TTC39B: variants seen among roughly 807,000 people sequenced by gnomAD.
The protein encoded by TTC39B is tetratricopeptide repeat domain 39B.
In TTC39B, 92 loss-of-function variants were observed where a neutral mutation model predicts 96.6. The observed-to-expected ratio is 0.95, with a 90% CI of 0.80 to 1.13. The LOEUF is 1.13. Among genes scored for constraint, TTC39B ranks in the 50% most tolerant of loss-of-function variants. The pLI is 0.00. For missense variants in TTC39B, 955 were observed against 809.3 expected (o/e 1.18, Z -2.18); for synonymous variants, 367 against 299.4 (o/e 1.23, Z -2.33).
At chr9:15,282,385 G>T (rs564279385) in intron 1 of TTC39B, among the ~76,000 whole-genome samples, 1 of 152,316 alleles carries the variant, frequency 6.6e-6, no homozygotes, top group East Asian at 1.9e-4. Flanking sequence ...AACCCTGGGG[G>T]CTCATGGAAA....
At chr9:15,235,927 TAAC>T (rs141291428) in intron 2 of TTC39B, among the ~76,000 whole-genome samples, 27,711 of 151,946 alleles carry the variant, frequency 0.18, 3,339 homozygotes, top group East Asian at 0.65. Context: ...AACAACTAGC[TAAC>T]AACACTATGA....
chr9:15,188,982 C>T lies in TTC39B; in HGVS notation c.1233+592G>A, dbSNP rs187399715. ...ATCCCATGAAATGAAACCCAGCCAT[C>T]AAAAAGAATAGGAGACATTTAGGCA... is the stretch of plus-strand genomic sequence containing the variant. On this transcript the variant is annotated intron_variant, in intron 13 of 19. Transcript: ENST00000512701. Among the ~76,000 whole-genome samples the T allele has an allele frequency of 6.8e-3, 1,032 of 151,686 alleles. 15 individuals are homozygous for T. Among genetic ancestry groups the T allele is most frequent in the African/African-American group, 0.024 (977 of 41,314 alleles).
At chr9:15,167,821 C>CTA (rs1471769631) in exon 20 of TTC39B, 2 of 152,132 alleles carry the variant, frequency 1.3e-5, no homozygotes, top group Non-Finnish European at 2.9e-5. Flanking sequence ...ATAACTCTAA[C>CTA]AACTGTACTT....
intron 1 of TTC39B, among the ~76,000 whole-genome samples, chr9:15,274,336 A>G (rs1823461536): frequency 6.6e-6 from 1 of 152,268 alleles, no homozygotes; most frequent in Non-Finnish European, 1.5e-5. Flanking sequence ...GGCCTTCTAC[A>G]GCATTTAAAC....
chr9:15,192,601 C>A, exon 9 of TTC39B: 1 of 1,613,342 alleles, frequency 6.2e-7, no homozygotes, highest in Non-Finnish European at 8.5e-7. Flanking sequence ...AAATTAAAGG[C>A]CCCACTGCCA....
intron 2 of TTC39B, among the ~76,000 whole-genome samples, chr9:15,262,005 T>A (rs1324917783): frequency 6.6e-6 from 1 of 152,222 alleles, no homozygotes; most frequent in East Asian, 1.9e-4. Context: ...TTTCTATATA[T>A]CATGCAACAG....
intron 2 of TTC39B, among the ~76,000 whole-genome samples, chr9:15,258,886 T>C (rs1232664658): frequency 1.3e-5 from 2 of 152,158 alleles, no homozygotes; most frequent in Admixed American, 6.5e-5. Flanking sequence ...TCACTCCTCA[T>C]AGTGAAAAGC....
chr9:15,199,170 A>G (rs1025476218), intron 8 of TTC39B, among the ~76,000 whole-genome samples: 4 of 152,226 alleles, frequency 2.6e-5, no homozygotes, highest in African/African-American at 9.6e-5. Flanking sequence ...GAACAACGCT[A>G]CAGCCACCTC....
chr9:15,201,852 C>T (rs1351726144), intron 7 of TTC39B, among the ~76,000 whole-genome samples: 3 of 152,142 alleles, frequency 2.0e-5, no homozygotes, highest in Admixed American at 1.3e-4. Context: ...TACTGCCATA[C>T]TCAATCAATC....
At chr9:15,272,335 T>C (rs1328941074) in intron 1 of TTC39B, among the ~76,000 whole-genome samples, 1 of 152,200 alleles carries the variant, frequency 6.6e-6, no homozygotes, top group Non-Finnish European at 1.5e-5. Context: ...CCTCCAGTGT[T>C]GGTTTCCCTT....
At chr9:15,258,925 G>A (rs541584663) in intron 2 of TTC39B, among the ~76,000 whole-genome samples, 1 of 152,202 alleles carries the variant, frequency 6.6e-6, no homozygotes. Flanking sequence ...ATCTTAAAAC[G>A]TGTACTACAC....
intron 2 of TTC39B, among the ~76,000 whole-genome samples, chr9:15,229,063 T>G (rs996170006): frequency 3.3e-5 from 5 of 152,232 alleles, no homozygotes; most frequent in Non-Finnish European, 7.3e-5. Context: ...TTTTTAGATA[T>G]AGACATAACC....
chr9:15,214,832 T>C (rs1235777662), intron 3 of TTC39B, among the ~76,000 whole-genome samples: 1 of 152,244 alleles, frequency 6.6e-6, no homozygotes, highest in Non-Finnish European at 1.5e-5. Context: ...GAAAATTATA[T>C]ATTAATCACT....
At chr9:15,276,782 G>A (rs1024395232) in intron 1 of TTC39B, among the ~76,000 whole-genome samples, 3 of 152,120 alleles carry the variant, frequency 2.0e-5, no homozygotes, top group African/African-American at 7.2e-5. Context: ...TTCCTGTTGT[G>A]TACAATAAAG....
Position 15,214,125 on chromosome 9 carries a change from A to T in TTC39B, c.482+14T>A. On this transcript the variant is annotated intron_variant, in intron 4 of 19. Transcript: ENST00000512701. ...CTGAAAGATATTTTATCTAAAAGAGACAAAGTAAATTACCAGGGGCGAAGC... is the reference window on the plus strand; with the variant it reads ...CTGAAAGATATTTTATCTAAAAGAGTCAAAGTAAATTACCAGGGGCGAAGC... 6.3e-7 allele frequency: 1 copy of T among 1,581,392 alleles called. No homozygotes were observed. Among genetic ancestry groups the T allele is most frequent in the Non-Finnish European group, 8.7e-7 (1 of 1,151,958 alleles).
intron 1 of TTC39B, among the ~76,000 whole-genome samples, chr9:15,272,336 G>A (rs1470828604): frequency 1.3e-5 from 2 of 152,120 alleles, no homozygotes; most frequent in Non-Finnish European, 2.9e-5. Context: ...CTCCAGTGTT[G>A]GTTTCCCTTA....
At position 15,239,154 on chromosome 9, in the gene TTC39B, GA is replaced by G. The variant is rs573059792; in HGVS notation, c.276-13143del. ...TAATACAAGAGGCCAACAAACACATGAAAAAAAAAATGCTCAACATCACTAA... is the reference window on the plus strand; with the variant it reads ...TAATACAAGAGGCCAACAAACACATGAAAAAAAAATGCTCAACATCACTAA... On this transcript the variant is annotated intron_variant, in intron 2 of 19. Transcript: ENST00000512701. 1.6e-4 allele frequency among the ~76,000 whole-genome samples: 23 copies of G among 147,566 alleles called. No individual in the cohort carries two copies. In the East Asian group the frequency reaches 1.8e-3, roughly 11 times the overall value.
At chr9:15,185,352 C>G in exon 16 of TTC39B, 1 of 1,613,922 alleles carries the variant, frequency 6.2e-7, no homozygotes, top group Non-Finnish European at 8.5e-7. Flanking sequence ...TCACAGCAAA[C>G]TTCTCAGTAG....
At chr9:15,200,379 A>G (rs1411713912) in intron 7 of TTC39B, among the ~76,000 whole-genome samples, 1 of 152,226 alleles carries the variant, frequency 6.6e-6, no homozygotes, top group African/African-American at 2.4e-5. Flanking sequence ...TAGCAGTCAG[A>G]GTCTTTTTAA....
Sources: allele counts gnomAD v4.1 joint callset (sites outside exome capture counted in the v4.1 genomes callset), GRCh38; gene constraint gnomAD v4.1.1; transcripts MANE v1.5; gene names NCBI Gene and HGNC (gene_info 2026-07-23, HGNC 2026-07-21).